Variants in MAP2K1 observed in about 807,000 individuals in gnomAD.
MAP2K1 encodes the protein dual specificity mitogen-activated protein kinase kinase 1.
MAP2K1 carries 16 observed loss-of-function variants against 46.3 expected under a neutral mutation model. The observed-to-expected ratio is 0.35, with a 90% CI of 0.23 to 0.52. The LOEUF (loss-of-function observed/expected upper bound fraction) is 0.52, where lower values mean the gene tolerates loss of function less well. MAP2K1 is among the 20% of genes least tolerant of loss of function. The pLI, the probability that MAP2K1 is intolerant of heterozygous loss-of-function variation, is 0.94. For synonymous variants in MAP2K1, 183 were observed against 185.6 expected (o/e 0.99, Z 0.11); for missense variants, 263 against 497.1 (o/e 0.53, Z 4.48).
At chr15:66,444,596 AGATT>A in intron 4 of MAP2K1, 56 bp from the exon 5 acceptor site, 2 of 1,181,304 alleles carry the variant, frequency 1.7e-6, no homozygotes, top group Non-Finnish European at 2.5e-6. Context: ...ATTTTAAAAT[AGATT>A]GAGTATTTTT....
At chr15:66,474,234 T>C (rs1476408880) in intron 5 of MAP2K1, among the ~76,000 whole-genome samples, 21 of 152,040 alleles carry the variant, frequency 1.4e-4, no homozygotes, top group Admixed American at 1.4e-3. Flanking sequence ...ATCTTGAAAG[T>C]GAGGGAGATA....
At chr15:66,434,813 G>A (rs1030101561) in intron 1 of MAP2K1, among the ~76,000 whole-genome samples, 2 of 152,180 alleles carry the variant, frequency 1.3e-5, no homozygotes, top group African/African-American at 4.8e-5. Context: ...TGAGGAAATT[G>A]AAGCCCTGAG....
At chr15:66,402,551 A>G (rs1268657289) in intron 1 of MAP2K1, among the ~76,000 whole-genome samples, 2 of 152,116 alleles carry the variant, frequency 1.3e-5, no homozygotes, top group South Asian at 2.1e-4. Flanking sequence ...GTATCTTTCC[A>G]TTTGTTCATG....
chr15:66,458,802 G>A (rs921401392), intron 5 of MAP2K1, among the ~76,000 whole-genome samples: 1 of 152,156 alleles, frequency 6.6e-6, no homozygotes, highest in African/African-American at 2.4e-5. Flanking sequence ...CTACTGGTGT[G>A]ATCCACTGTG....
chr15:66,480,299 A>G (rs975370122), intron 5 of MAP2K1, among the ~76,000 whole-genome samples: 3 of 152,154 alleles, frequency 2.0e-5, no homozygotes, highest in African/African-American at 7.2e-5. Flanking sequence ...CATGTTGGTC[A>G]GGCTGGTCTC....
intron 1 of MAP2K1, among the ~76,000 whole-genome samples, chr15:66,423,851 C>T (rs1376182845): frequency 6.6e-6 from 1 of 151,942 alleles, no homozygotes; most frequent in Non-Finnish European, 1.5e-5. Flanking sequence ...AGGTGATCTG[C>T]CCACCTTGAC....
At chr15:66,452,296 A>AG (rs780309272) in intron 5 of MAP2K1, among the ~76,000 whole-genome samples, 7,614 of 34,670 alleles carry the variant, frequency 0.22, 301 homozygotes, top group Middle Eastern at 0.3. Context: ...ATAAAAAAAA[A>AG]AAAAAAAGAA....
intron 5 of MAP2K1, among the ~76,000 whole-genome samples, chr15:66,468,398 A>T (rs1048202342): frequency 6.6e-6 from 1 of 152,202 alleles, no homozygotes; most frequent in African/African-American, 2.4e-5. Flanking sequence ...GTGAAAAATC[A>T]GATAGCAAAA....
intron 5 of MAP2K1, among the ~76,000 whole-genome samples, chr15:66,455,022 C>T (rs1892130377): frequency 1.3e-5 from 2 of 152,140 alleles, no homozygotes; most frequent in Non-Finnish European, 2.9e-5. Flanking sequence ...GAAATAGCTC[C>T]CTGGCGTACA....
intron 1 of MAP2K1, among the ~76,000 whole-genome samples, chr15:66,419,018 G>A (rs2093431179): frequency 7.0e-6 from 1 of 142,700 alleles, no homozygotes; most frequent in African/African-American, 2.6e-5. Context: ...CCAGGCTGGA[G>A]TGCAATGGCG....
intron 5 of MAP2K1, among the ~76,000 whole-genome samples, chr15:66,469,727 T>TAC (rs1892574728): frequency 3.8e-5 from 1 of 26,560 alleles, no homozygotes; most frequent in Non-Finnish European, 9.0e-5. Flanking sequence ...CACACACATA[T>TAC]CGGATGTTAG....
At chr15:66,417,193 T>A (rs1438620971) in intron 1 of MAP2K1, among the ~76,000 whole-genome samples, 3 of 152,228 alleles carry the variant, frequency 2.0e-5, no homozygotes, top group Non-Finnish European at 4.4e-5. Flanking sequence ...TGATATTACT[T>A]CTTCTAGGTA....
At chr15:66,396,299 A>G (rs1595837095) in intron 1 of MAP2K1, among the ~76,000 whole-genome samples, 1 of 148,592 alleles carries the variant, frequency 6.7e-6, no homozygotes, top group East Asian at 2.0e-4. Context: ...TTTTTTTGAG[A>G]TGGAGTTTCA....
chr15:66,411,549 C>G (rs557899251), intron 1 of MAP2K1, among the ~76,000 whole-genome samples: 2 of 152,186 alleles, frequency 1.3e-5, no homozygotes, highest in Non-Finnish European at 2.9e-5. Context: ...CCAAAGTGAC[C>G]AAAGTCCTAA....
chr15:66,457,180 G>A (rs974453693), intron 5 of MAP2K1, among the ~76,000 whole-genome samples: 6 of 152,302 alleles, frequency 3.9e-5, no homozygotes, highest in Non-Finnish European at 5.9e-5. Context: ...GTGCAGTGGC[G>A]TAATCTCGGC....
chr15:66,462,482 G>A lies in MAP2K1; in HGVS notation c.568+17775G>A, dbSNP rs1053574364. ...AGTGCACTCCACCCTGGGCGACAGA[G>A]CAAGACTCTGTCTCAAAAAAAAAAA... On this transcript the variant is annotated intron_variant, in intron 5 of 10. Coordinates refer to ENST00000307102, the MANE Select transcript of MAP2K1 (RefSeq NM_002755.4). Among the ~76,000 whole-genome samples, 4 of 122,282 alleles carry A rather than the reference G, an allele frequency of 3.3e-5. No individual in the cohort carries two copies. The Admixed American group carries it at 3.8e-4, about 12-fold the overall frequency. The allele number at this position is 122,282 out of a possible 152,430, so 80.2% of individuals were successfully genotyped here.
Position 66,387,109 on chromosome 15 carries a change from G to T in MAP2K1, c.-239G>T, listed in dbSNP as rs922139192. 1 of 421,252 alleles carries T rather than the reference G, an allele frequency of 2.4e-6. No homozygotes were observed. Among genetic ancestry groups the T allele is most frequent in the African/African-American group, 2.1e-5 (1 of 47,166 alleles). 26.1% of individuals were successfully genotyped at this position (421,252 alleles called of 1,614,324 possible). A position where few individuals can be genotyped will look rare whatever the true frequency, so the allele number is the denominator to read the frequency against. On this transcript the variant is annotated 5_prime_UTR_variant, in exon 1 of 11. Coordinates refer to ENST00000307102, the MANE Select transcript of MAP2K1 (RefSeq NM_002755.4). ...GTTCAGCCCGCTCCGCTCCTGCAGG[G>T]CAGCCTTTCGGCTCTCTGCGCGCGA...
chr15:66,449,016 A>AC (rs1567014127), intron 5 of MAP2K1, among the ~76,000 whole-genome samples: 3 of 150,756 alleles, frequency 2.0e-5, no homozygotes, highest in East Asian at 3.9e-4. Context: ...AAAAAAAAAA[A>AC]AAAAAAAAAA....
chr15:66,418,093 G>A (rs2093428684), intron 1 of MAP2K1, among the ~76,000 whole-genome samples: 1 of 152,192 alleles, frequency 6.6e-6, no homozygotes, highest in Non-Finnish European at 1.5e-5. Context: ...CCAAGCATAG[G>A]AGCTCAAAAG....
Sources: allele counts gnomAD v4.1 joint callset (sites outside exome capture counted in the v4.1 genomes callset), GRCh38; gene constraint gnomAD v4.1.1; transcripts MANE v1.5; gene names NCBI Gene and HGNC (gene_info 2026-07-23, HGNC 2026-07-21).